Variants in SYCP2L observed in about 807,000 individuals in gnomAD.
SYCP2L encodes the protein synaptonemal complex protein 2-like.
In SYCP2L, 98 loss-of-function variants were observed where a neutral mutation model predicts 125.8. That is an observed-to-expected ratio of 0.78 (90% CI 0.66 to 0.92). The LOEUF is 0.92. SYCP2L is among the 40% of genes least tolerant of loss of function. The pLI, the probability that SYCP2L is intolerant of heterozygous loss-of-function variation, is 0.00. For synonymous variants in SYCP2L, 317 were observed against 325.4 expected (o/e 0.97, Z 0.28); for missense variants, 842 against 936.4 (o/e 0.90, Z 1.32).
intron 21 of SYCP2L, among the ~76,000 whole-genome samples, 156 bp from the exon 22 acceptor site, chr6:10,942,303 A>G (rs1781238518): frequency 6.6e-6 from 1 of 152,206 alleles, no homozygotes; most frequent in Admixed American, 6.5e-5. Context: ...ATAAAAAAGA[A>G]TTCGTGTCCC....
At position 10,902,943 on chromosome 6, in the gene SYCP2L, A is replaced by C; in HGVS notation, c.621A>C (p.Ser207=). 6.2e-7 allele frequency: 1 copy of C among 1,614,160 alleles called. No individual in the cohort carries two copies. The highest frequency in any genetic ancestry group is 1.1e-5 in the South Asian group (1 of 91,082). ...AAGAGAGAAAAAAATTCCCTTTGTC[A>C]GAAGGCATGTGTCATCTTATGTAAG... ...PREERKKFPL[S]EGMCHLMKDL... is the part of the protein sequence containing the mutation. Residue 207 remains serine, a synonymous_variant, in exon 8 of 30, where the codon TCA becomes TCC. Transcript: ENST00000283141.
Position 10,958,056 on chromosome 6 carries a change from T to A in SYCP2L, c.2164-728T>A, listed in dbSNP as rs368924135. Among the ~76,000 whole-genome samples, 20 of 152,352 alleles carry A rather than the reference T, an allele frequency of 1.3e-4. No homozygotes were observed. The South Asian group carries it at 4.1e-3, about 32-fold the overall frequency. ...GTATATTACTCTAACCAACATTCAT[T>A]TAATTAACTTAGATCTCCAGAGTCT... On this transcript the variant is annotated intron_variant, in intron 25 of 29. Coordinates refer to ENST00000283141, the MANE Select transcript of SYCP2L (RefSeq NM_001040274.3).
intron 29 of SYCP2L, among the ~76,000 whole-genome samples, chr6:10,972,447 T>G (rs1158234964): frequency 1.3e-5 from 2 of 152,210 alleles, no homozygotes; most frequent in African/African-American, 4.8e-5. Context: ...GGGCTTTTAC[T>G]TTTTTCCCTG....
intron 9 of SYCP2L, among the ~76,000 whole-genome samples, chr6:10,906,415 A>G (rs1007805895): frequency 1.9e-4 from 29 of 151,870 alleles, no homozygotes; most frequent in Non-Finnish European, 1.6e-4. Flanking sequence ...ATATTTTTCT[A>G]CTTTTACTCT....
At chr6:10,902,537 G>T (rs554739348) in intron 6 of SYCP2L, 140 bp from the exon 7 acceptor site, 3 of 667,082 alleles carry the variant, frequency 4.5e-6, no homozygotes, top group African/African-American at 3.6e-5. Context: ...CAACAGGATT[G>T]TAAGAGGCAC....
intron 8 of SYCP2L, among the ~76,000 whole-genome samples, chr6:10,904,958 A>G (rs1233153981): frequency 1.3e-5 from 2 of 151,906 alleles, no homozygotes; most frequent in African/African-American, 4.8e-5. Context: ...CCTGACCAAC[A>G]TGGTGAAGCC....
At position 10,956,169 on chromosome 6, in the gene SYCP2L, C is replaced by T; in HGVS notation, c.2090C>T (p.Pro697Leu). 1 of 1,613,892 alleles carries T rather than the reference C, an allele frequency of 6.2e-7. No individual in the cohort carries two copies. Among genetic ancestry groups the T allele is most frequent in the African/African-American group, 1.3e-5 (1 of 75,008 alleles). ...TCCACTTCATCCCTAGAAGTTGTGCCAGAGAACTTGAACGGTTCTGCCATT... is the reference window on the plus strand; with the variant it reads ...TCCACTTCATCCCTAGAAGTTGTGCTAGAGAACTTGAACGGTTCTGCCATT... ...GISTSSLEVVPENLNGSAILP... is the reference protein window; with the variant it reads ...GISTSSLEVVLENLNGSAILP... Residue 697 changes from proline (P) to leucine (L), a missense_variant, in exon 25 of 30, where the codon CCA becomes CTA. Pro to Leu is a moderately conservative substitution (Grantham distance 98, BLOSUM62 -3). Transcript: ENST00000283141.
intron 1 of SYCP2L, among the ~76,000 whole-genome samples, chr6:10,890,884 T>C (rs1379190068): frequency 6.6e-6 from 1 of 152,216 alleles, no homozygotes; most frequent in Non-Finnish European, 1.5e-5. Flanking sequence ...TCTGGTTTCA[T>C]TCTTCCACAT....
chr6:10,894,618 T>G (rs577374424), intron 4 of SYCP2L, among the ~76,000 whole-genome samples: 2 of 152,254 alleles, frequency 1.3e-5, no homozygotes, highest in Admixed American at 6.5e-5. Context: ...TTATCCATTT[T>G]CTAAACCTTG....
chr6:10,895,385 T>G (rs1780239880), intron 4 of SYCP2L, among the ~76,000 whole-genome samples: 1 of 152,174 alleles, frequency 6.6e-6, no homozygotes, highest in South Asian at 2.1e-4. Flanking sequence ...CTGTACCCTT[T>G]CCCCATTGGC....
intron 28 of SYCP2L, among the ~76,000 whole-genome samples, chr6:10,962,965 C>A (rs896325374): frequency 6.6e-6 from 1 of 152,016 alleles, no homozygotes; most frequent in Non-Finnish European, 1.5e-5. Context: ...TTAGGGTTTC[C>A]CCAGGCACAC....
At chr6:10,890,372 GTCT>G (rs1421769354) in intron 1 of SYCP2L, among the ~76,000 whole-genome samples, 1 of 151,920 alleles carries the variant, frequency 6.6e-6, no homozygotes, top group African/African-American at 2.4e-5. Flanking sequence ...GTTGTTTTTT[GTCT>G]TGATAATGGC....
chr6:10,929,738 C>G (rs1581831037), intron 18 of SYCP2L, among the ~76,000 whole-genome samples: 2 of 151,994 alleles, frequency 1.3e-5, no homozygotes, highest in Admixed American at 1.3e-4. Context: ...AGTTTGAGAC[C>G]AGCCTGGCCA....
chr6:10,931,915 A>G (rs1223871356), intron 20 of SYCP2L, among the ~76,000 whole-genome samples: 1 of 146,796 alleles, frequency 6.8e-6, no homozygotes, highest in African/African-American at 2.5e-5. Context: ...CAGTGAGCCG[A>G]GATTGTGCCA....
chr6:10,939,556 A>G (rs1030976417), intron 21 of SYCP2L, among the ~76,000 whole-genome samples: 2 of 152,242 alleles, frequency 1.3e-5, no homozygotes, highest in African/African-American at 2.4e-5. Context: ...TTATGGGCCC[A>G]GACATAAACC....
Position 10,958,865 on chromosome 6 carries a change from C to G in SYCP2L, c.2245C>G (p.Gln749Glu). ...DCLIKLLNQM[Q>E]LFRLNKLERF... The stretch of plus-strand genomic sequence containing the variant: ...CCTAATAAAACTTTTAAACCAGATG[C>G]AACTGTTCAGGTAAGTTTTAGGTTT... The change falls in exon 26 of 30, where the codon CAA becomes GAA. Residue 749 changes from glutamine (Q) to glutamate (E), a missense_variant. Coordinates refer to ENST00000283141, the MANE Select transcript of SYCP2L (RefSeq NM_001040274.3). 1 of 1,613,796 alleles carries G rather than the reference C, an allele frequency of 6.2e-7. No homozygotes were observed. Among genetic ancestry groups the G allele is most frequent in the Non-Finnish European group, 8.5e-7 (1 of 1,179,912 alleles).
intron 14 of SYCP2L, among the ~76,000 whole-genome samples, chr6:10,918,820 T>C (rs560389794): frequency 5.9e-5 from 9 of 152,252 alleles, no homozygotes; most frequent in South Asian, 2.1e-4. Flanking sequence ...AGGCGTGAGC[T>C]ACCATGCCCG....
At chr6:10,971,674 T>C (rs540607011) in intron 29 of SYCP2L, among the ~76,000 whole-genome samples, 1 of 144,560 alleles carries the variant, frequency 6.9e-6, no homozygotes, top group South Asian at 2.5e-4. Context: ...ACATGTATAC[T>C]TATATATGTT....
At chr6:10,899,955 G>A (rs1780349537) in intron 6 of SYCP2L, among the ~76,000 whole-genome samples, 2 of 152,168 alleles carry the variant, frequency 1.3e-5, no homozygotes, top group Non-Finnish European at 2.9e-5. Flanking sequence ...AACTTGCTTT[G>A]TATTAATCCC....
Sources: allele counts gnomAD v4.1 joint callset (sites outside exome capture counted in the v4.1 genomes callset), GRCh38; gene constraint gnomAD v4.1.1; transcripts MANE v1.5; gene names NCBI Gene and HGNC (gene_info 2026-07-23, HGNC 2026-07-21).